Variants in CUEDC1 observed in about 807,000 individuals in gnomAD.
The protein encoded by CUEDC1 is CUE domain-containing protein 1.
A neutral mutation model predicts 43.7 loss-of-function variants in CUEDC1; 30 were observed. The ratio of observed to expected loss-of-function variants is 0.69; its 90% CI spans 0.51 to 0.93. The LOEUF (loss-of-function observed/expected upper bound fraction) is 0.93. CUEDC1 is among the 40% of genes least tolerant of loss of function. CUEDC1 has a pLI of 0.00. For synonymous variants in CUEDC1, 223 were observed against 223.6 expected (o/e 1.00, Z 0.02); for missense variants, 486 against 549.0 (o/e 0.89, Z 1.15).
chr17:57,905,364 T>TGC (rs2074520421), intron 1 of CUEDC1, among the ~76,000 whole-genome samples: 1 of 151,978 alleles, frequency 6.6e-6, no homozygotes, highest in Non-Finnish European at 1.5e-5. Flanking sequence ...GATGCCTGGC[T>TGC]GCGCGCTGCC....
At chr17:57,876,354 G>A (rs969461522) in intron 3 of CUEDC1, among the ~76,000 whole-genome samples, 1 of 152,084 alleles carries the variant, frequency 6.6e-6, no homozygotes, top group Non-Finnish European at 1.5e-5. Context: ...CTTTGCCTGA[G>A]CGCCTCCCTG....
intron 1 of CUEDC1, among the ~76,000 whole-genome samples, chr17:57,952,324 T>C (rs1234190315): frequency 6.6e-6 from 1 of 151,990 alleles, no homozygotes; most frequent in Non-Finnish European, 1.5e-5. Context: ...CCTCCCAGGT[T>C]CAAGCAATTC....
chr17:57,867,365 T>C lies in CUEDC1; in HGVS notation c.1085A>G (p.His362Arg), dbSNP rs754610948. Residue 362 changes from histidine (H) to arginine (R), a missense_variant, in exon 9 of 11, where the codon CAC becomes CGC. Transcript: ENST00000577830. ...TANLLDDVEG[H>R]ACDEDFRGRR... ...CTCCCCTCCAGCCTCACCACACGCG[T>C]GGCCCTCCACATCATCCAGGAGGTT... 3.9e-6 allele frequency: 6 copies of C among 1,552,068 alleles called. No homozygotes were observed. Among genetic ancestry groups the C allele is most frequent in the Non-Finnish European group, 5.2e-6 (6 of 1,147,148 alleles).
chr17:57,865,783 T>C (rs1454031900), intron 10 of CUEDC1, among the ~76,000 whole-genome samples: 1 of 151,498 alleles, frequency 6.6e-6, no homozygotes, highest in Non-Finnish European at 1.5e-5. Flanking sequence ...GAGTTGTGTG[T>C]GTGCACAGCC....
chr17:57,864,270 C>T (rs1261034654), intron 10 of CUEDC1, among the ~76,000 whole-genome samples: 14 of 152,002 alleles, frequency 9.2e-5, no homozygotes, highest in African/African-American at 3.4e-4. Context: ...GCTGGGGACA[C>T]GAAGCAGCTC....
In CUEDC1 at chr17:57,872,800, G is replaced by A. The variant is rs1291188911; in HGVS notation, c.647C>T (p.Ala216Val). 6.2e-7 allele frequency: 1 copy of A among 1,614,088 alleles called. No homozygotes were observed. The highest frequency in any genetic ancestry group is 8.5e-7 in the Non-Finnish European group (1 of 1,180,034). Residue 216 changes from alanine to valine, a missense_variant, in exon 5 of 11, where the codon GCT (alanine) becomes GTT (valine). Transcript: ENST00000577830. ...GSGEGCPPAM[A>V]GPGPGDQESR... The stretch of plus-strand genomic sequence containing the variant: ...CTCCTGGTCTCCGGGCCCTGGCCCA[G>A]CCATGGCAGGTGGACATCCCTCTCC...
intron 1 of CUEDC1, among the ~76,000 whole-genome samples, chr17:57,914,683 G>C (rs1665987290): frequency 6.6e-6 from 1 of 152,180 alleles, no homozygotes; most frequent in Non-Finnish European, 1.5e-5. Flanking sequence ...CCAGGGGAGA[G>C]AGAAGGGTTC....
rs538317219 is a variant in CUEDC1, at chr17:57,866,545, C to T, written c.1094-1G>A. ...TGACGCCTGCCCCGGAAGTCTTCAT[C>T]TGAAAAGGAGAGGGAAGCTGCCTCA... is the stretch of plus-strand genomic sequence containing the variant. On this transcript the variant is annotated splice_acceptor_variant, in intron 9 of 10. Coordinates refer to ENST00000577830, the MANE Select transcript of CUEDC1 (RefSeq NM_001271875.2). LOFTEE classifies it high-confidence loss of function. 4.3e-6 allele frequency: 7 copies of T among 1,614,216 alleles called. No homozygotes were observed. In the Admixed American group the frequency reaches 1.2e-4, roughly 27 times the overall value.
At position 57,928,525 on chromosome 17, in the gene CUEDC1, C is replaced by T. The variant is rs371658690; in HGVS notation, c.-316+26700G>A. On this transcript the variant is annotated intron_variant, in intron 1 of 10. Coordinates refer to ENST00000577830, the MANE Select transcript of CUEDC1 (RefSeq NM_001271875.2). ...GATCGCCACTGCACTCCAGCCTGGG[C>T]GACAGAGTGAGACTCTGTCTCAAAA... is the stretch of plus-strand genomic sequence containing the variant. Among the ~76,000 whole-genome samples the T allele has an allele frequency of 1.9e-3, 244 of 126,738 alleles. 3 individuals are homozygous for T. The highest frequency in any genetic ancestry group is 3.2e-4 in the Non-Finnish European group (20 of 63,464). The allele number at this position is 126,738 out of a possible 152,430, so 83.1% of individuals were successfully genotyped here.
chr17:57,932,281 C>CAAAAAAAAAAAAAAAAA lies in CUEDC1; in HGVS notation c.-316+22927_-316+22943dup, dbSNP rs56137797. Among the ~76,000 whole-genome samples, 609 of 121,752 alleles carry CAAAAAAAAAAAAAAAAA rather than the reference C, an allele frequency of 5.0e-3. 66 individuals are homozygous for CAAAAAAAAAAAAAAAAA. The highest frequency in any genetic ancestry group is 0.022 in the African/African-American group (495 of 22,378). 79.9% of individuals were successfully genotyped at this position (121,752 alleles called of 152,430 possible). A position where few individuals can be genotyped will look rare whatever the true frequency, so the allele number is the denominator to read the frequency against. The stretch of plus-strand genomic sequence containing the variant: ...TGGGCAACAAAGTGACACTGTGTCT[C>CAAAAAAAAAAAAAAAAA]AAAAAAAAAAAAAAAAAAAAAAGGC... On this transcript the variant is annotated intron_variant, in intron 1 of 10. Transcript: ENST00000577830.
rs73992371 is a variant in CUEDC1 at position 57,910,799 on chromosome 17, C to G, written c.-315-24920G>C. Among the ~76,000 whole-genome samples the G allele has an allele frequency of 4.0e-3, 614 of 152,172 alleles. 5 individuals carry two copies. Among genetic ancestry groups the G allele is most frequent in the African/African-American group, 0.013 (527 of 41,504 alleles). On this transcript the variant is annotated intron_variant, in intron 1 of 10. Coordinates refer to ENST00000577830, the MANE Select transcript of CUEDC1 (RefSeq NM_001271875.2). ...ATATCATAATGTGATCATGAGGTGA[C>G]AAGTCTTCTTTAAAACATTTCAAAG...
chr17:57,945,200 C>T (rs982846193), intron 1 of CUEDC1, among the ~76,000 whole-genome samples: 5 of 152,314 alleles, frequency 3.3e-5, no homozygotes, highest in Admixed American at 6.5e-5. Flanking sequence ...ATTTCCATTA[C>T]GCACAAAAGC....
intron 2 of CUEDC1, among the ~76,000 whole-genome samples, chr17:57,882,964 T>G (rs2074234962): frequency 6.6e-6 from 1 of 152,184 alleles, no homozygotes; most frequent in Non-Finnish European, 1.5e-5. Context: ...AAAGTGGATT[T>G]TTGACTGCAA....
At chr17:57,926,205 C>T (rs2074745848) in intron 1 of CUEDC1, among the ~76,000 whole-genome samples, 1 of 152,180 alleles carries the variant, frequency 6.6e-6, no homozygotes, top group Admixed American at 6.5e-5. Flanking sequence ...CTCCAGGGGT[C>T]CCTCACCTGC....
At chr17:57,867,469 C>T (rs1486014271) in intron 8 of CUEDC1, 54 bp from the exon 9 acceptor site, 10 of 1,474,808 alleles carry the variant, frequency 6.8e-6, no homozygotes, top group Non-Finnish European at 7.4e-6. Flanking sequence ...CTGCCCTAGT[C>T]CTCCCAGTCC....
intron 1 of CUEDC1, among the ~76,000 whole-genome samples, chr17:57,941,986 T>C (rs920621096): frequency 6.6e-6 from 1 of 152,164 alleles, no homozygotes; most frequent in Non-Finnish European, 1.5e-5. Flanking sequence ...TGTTCCTAAA[T>C]TGAGCCTGGG....
At chr17:57,865,645 C>A (rs190332896) in intron 10 of CUEDC1, among the ~76,000 whole-genome samples, 1 of 152,202 alleles carries the variant, frequency 6.6e-6, no homozygotes, top group East Asian at 1.9e-4. Flanking sequence ...CAAGAGGGTG[C>A]ACAGGAAGCG....
At chr17:57,870,223 C>T (rs1033544537) in intron 6 of CUEDC1, among the ~76,000 whole-genome samples, 1 of 152,204 alleles carries the variant, frequency 6.6e-6, no homozygotes, top group Non-Finnish European at 1.5e-5. Flanking sequence ...GGCCACTGTT[C>T]GCACACAGGC....
chr17:57,899,791 C>A (rs542777657), intron 1 of CUEDC1, among the ~76,000 whole-genome samples: 12 of 152,306 alleles, frequency 7.9e-5, no homozygotes, highest in African/African-American at 2.9e-4. Context: ...CTTCGCCCAA[C>A]TCTGAAGCTA....
Sources: allele counts gnomAD v4.1 joint callset (sites outside exome capture counted in the v4.1 genomes callset), GRCh38; gene constraint gnomAD v4.1.1; transcripts MANE v1.5; gene names NCBI Gene and HGNC (gene_info 2026-07-23, HGNC 2026-07-21).